The following APBA2 variants were observed in gnomAD, a reference collection of about 807,000 sequenced individuals.
APBA2 encodes amyloid-beta A4 precursor protein-binding family A member 2.
APBA2 carries 30 observed loss-of-function variants against 75.0 expected under a neutral mutation model. The ratio of observed to expected loss-of-function variants is 0.40; its 90% CI spans 0.30 to 0.54. APBA2 has a LOEUF of 0.54. Ranked by LOEUF, APBA2 falls within the 20% of genes least tolerant of loss-of-function variation. The probability of loss-of-function intolerance (pLI) is 0.49; values close to 1 mark genes in which losing one functional copy is unlikely to be tolerated. For missense variants in APBA2, 801 were observed against 1,016.1 expected (o/e 0.79, Z 2.88); for synonymous variants, 444 against 409.6 (o/e 1.08, Z -1.01).
chr15:28,999,073 G>A (rs964195689), intron 3 of APBA2, among the ~76,000 whole-genome samples: 2 of 151,800 alleles, frequency 1.3e-5, no homozygotes, highest in African/African-American at 4.8e-5. Context: ...GCTTGAACCT[G>A]GGGGGCGGAG....
chr15:29,094,633 G>A (rs572221783), intron 8 of APBA2, among the ~76,000 whole-genome samples: 1 of 152,366 alleles, frequency 6.6e-6, no homozygotes, highest in East Asian at 1.9e-4. Flanking sequence ...ATGACAACGT[G>A]GTGGGTGTAG....
intron 1 of APBA2, among the ~76,000 whole-genome samples, chr15:28,900,871 T>G (rs1448990964): frequency 6.6e-6 from 1 of 152,228 alleles, no homozygotes; most frequent in Non-Finnish European, 1.5e-5. Context: ...TAATATGTAT[T>G]GTAAATTGTA....
chr15:29,058,890 C>A (rs1173078119), intron 4 of APBA2, among the ~76,000 whole-genome samples: 1 of 151,548 alleles, frequency 6.6e-6, no homozygotes, highest in African/African-American at 2.5e-5. Context: ...GTTTTCAAAT[C>A]AAAGAGACAA....
At chr15:28,945,377 A>T (rs575742552) in intron 2 of APBA2, among the ~76,000 whole-genome samples, 1 of 152,092 alleles carries the variant, frequency 6.6e-6, no homozygotes, top group African/African-American at 2.4e-5. Context: ...ACTCTGGGTG[A>T]TGTCGTTGGG....
chr15:28,914,137 A>G (rs1023111769), intron 1 of APBA2, among the ~76,000 whole-genome samples: 1 of 152,136 alleles, frequency 6.6e-6, no homozygotes, highest in Non-Finnish European at 1.5e-5. Flanking sequence ...TTCCTAATGG[A>G]AGGGTCAGAA....
chr15:29,088,272 C>T (rs989791027), intron 6 of APBA2, among the ~76,000 whole-genome samples: 1 of 152,174 alleles, frequency 6.6e-6, no homozygotes, highest in Non-Finnish European at 1.5e-5. Flanking sequence ...CCCCCTTGCC[C>T]ATGACCTTCC....
At chr15:28,923,613 G>T (rs948907497) in intron 2 of APBA2, among the ~76,000 whole-genome samples, 2 of 152,088 alleles carry the variant, frequency 1.3e-5, no homozygotes, top group South Asian at 2.1e-4. Flanking sequence ...CAGCAGACAG[G>T]TGCTCACTGG....
intron 2 of APBA2, among the ~76,000 whole-genome samples, chr15:28,961,817 G>A (rs927289326): frequency 3.9e-5 from 6 of 152,166 alleles, no homozygotes; most frequent in Non-Finnish European, 8.8e-5. Context: ...AATCAGTCTC[G>A]GGTATAGATC....
intron 4 of APBA2, among the ~76,000 whole-genome samples, chr15:29,055,668 A>AGTGTGTGTGTGTGTGTGTGTGT (rs57671107): frequency 1.6e-5 from 2 of 127,456 alleles, no homozygotes; most frequent in East Asian, 2.4e-4. Flanking sequence ...CATGAATTTG[A>AGTGTGTGTGTGTGTGTGTGTGT]GTGTGTGTGT....
chr15:29,109,034 C>T (rs1260274732), intron 13 of APBA2, among the ~76,000 whole-genome samples: 2 of 152,148 alleles, frequency 1.3e-5, no homozygotes, highest in Non-Finnish European at 2.9e-5. Context: ...TGCAAAAGAC[C>T]CAGAGGGCAG....
At chr15:29,026,672 G>A (rs1275218135) in intron 3 of APBA2, among the ~76,000 whole-genome samples, 1 of 152,140 alleles carries the variant, frequency 6.6e-6, no homozygotes, top group African/African-American at 2.4e-5. Flanking sequence ...CCAGCACTTT[G>A]GGAGGCTGAG....
chr15:29,092,868 T>C (rs1566998580), intron 6 of APBA2, among the ~76,000 whole-genome samples: 1 of 152,158 alleles, frequency 6.6e-6, no homozygotes, highest in Non-Finnish European at 1.5e-5. Flanking sequence ...CTGGCCCAAG[T>C]GTTGATTTCG....
chr15:29,007,646 T>A (rs2039188425), intron 3 of APBA2, among the ~76,000 whole-genome samples: 1 of 151,958 alleles, frequency 6.6e-6, no homozygotes, highest in Admixed American at 6.6e-5. Context: ...CACAAATCGT[T>A]AGAGAATTGC....
intron 4 of APBA2, among the ~76,000 whole-genome samples, chr15:29,065,901 G>A (rs545557356): frequency 6.6e-6 from 1 of 152,342 alleles, no homozygotes; most frequent in Admixed American, 6.5e-5. Context: ...TGTGGGTGCA[G>A]CCAGACTGTG....
At chr15:28,919,289 G>A (rs1476882538) in intron 1 of APBA2, 1 of 152,304 alleles carries the variant, frequency 6.6e-6, no homozygotes, top group Non-Finnish European at 1.5e-5. Flanking sequence ...TGCAGGGAGA[G>A]TCATCTGCTG....
At chr15:28,942,647 C>T (rs2035296422) in intron 2 of APBA2, among the ~76,000 whole-genome samples, 1 of 152,228 alleles carries the variant, frequency 6.6e-6, no homozygotes, top group African/African-American at 2.4e-5. Context: ...GGATCCCCCA[C>T]TTTCCATTTC....
intron 3 of APBA2, among the ~76,000 whole-genome samples, chr15:29,035,305 A>AAATAGCCATC (rs1162070426): frequency 1.3e-5 from 2 of 152,202 alleles, no homozygotes; most frequent in African/African-American, 2.4e-5. Context: ...ATTAATTAGT[A>AAATAGCCATC]AATAGCCATC....
intron 2 of APBA2, among the ~76,000 whole-genome samples, chr15:28,927,366 A>G (rs1289400395): frequency 6.8e-6 from 1 of 147,054 alleles, no homozygotes; most frequent in African/African-American, 2.5e-5. Flanking sequence ...TTTTGTTCTT[A>G]GTATTTACTC....
chr15:29,085,446 A>AC (rs2043246763), intron 6 of APBA2, among the ~76,000 whole-genome samples: 2 of 149,022 alleles, frequency 1.3e-5, no homozygotes, highest in African/African-American at 5.0e-5. Context: ...AATGGCGTGA[A>AC]CCCGGGAGGC....
Sources: allele counts gnomAD v4.1 joint callset (sites outside exome capture counted in the v4.1 genomes callset), GRCh38; gene constraint gnomAD v4.1.1; transcripts MANE v1.5; gene names NCBI Gene and HGNC (gene_info 2026-07-23, HGNC 2026-07-21).